Variants in CALCOCO1 observed in about 807,000 individuals in gnomAD.
The protein encoded by CALCOCO1 is calcium binding and coiled-coil domain 1.
CALCOCO1 carries 44 observed loss-of-function variants against 86.3 expected under a neutral mutation model. The observed-to-expected ratio is 0.51, with a 90% CI of 0.40 to 0.66. The LOEUF is 0.66. Ranked by LOEUF, CALCOCO1 falls within the 30% of genes least tolerant of loss-of-function variation. The probability of loss-of-function intolerance (pLI) is 0.00; values close to 1 mark genes in which losing one functional copy is unlikely to be tolerated. For missense variants in CALCOCO1, 708 were observed against 851.1 expected (o/e 0.83, Z 2.09); for synonymous variants, 297 against 327.6 (o/e 0.91, Z 1.01).
intron 7 of CALCOCO1, among the ~76,000 whole-genome samples, chr12:53,717,789 C>T (rs1385578522): frequency 2.6e-5 from 4 of 152,124 alleles, no homozygotes; most frequent in African/African-American, 7.2e-5. Flanking sequence ...TTTGGGAGGC[C>T]GAGGTGGGCG....
At chr12:53,715,151 A>G in intron 10 of CALCOCO1, 49 bp downstream of exon 10, 9 of 1,599,960 alleles carry the variant, frequency 5.6e-6, no homozygotes, top group Non-Finnish European at 7.7e-6. Flanking sequence ...AGGGGTATGG[A>G]TGCCTCAGGA....
rs1195582718 is a variant in CALCOCO1, at chr12:53,714,661, T to G, written c.1419A>C (p.Thr473=). 4 of 1,613,934 alleles carry G rather than the reference T, an allele frequency of 2.5e-6. No homozygotes were observed. The South Asian group carries it at 3.3e-5, about 13-fold the overall frequency. Residue 473 remains threonine, a synonymous_variant, in exon 11 of 15, where the codon ACA becomes ACC. Transcript: ENST00000550804. ...GCACACGCAGGGCTGACCGCAGCTC[T>G]GTCAGCTCCCGCTTACTTTCTGACA... is the stretch of plus-strand genomic sequence containing the variant. ...VQLSESKREL[T]ELRSALRVLQ... is the part of the protein sequence containing the mutation.
At chr12:53,721,109 CA>C (rs1317314083) in intron 6 of CALCOCO1, among the ~76,000 whole-genome samples, 1 of 152,198 alleles carries the variant, frequency 6.6e-6, no homozygotes, top group Non-Finnish European at 1.5e-5. Flanking sequence ...ATAGTAAGAA[CA>C]CAGTCTAATC....
intron 1 of CALCOCO1, among the ~76,000 whole-genome samples, chr12:53,726,964 G>A (rs766138918): frequency 5.3e-5 from 8 of 152,132 alleles, no homozygotes; most frequent in Non-Finnish European, 8.8e-5. Flanking sequence ...CGGAGAGCGG[G>A]TGTCCCATCC....
chr12:53,723,434 T>C (rs1430478819), intron 4 of CALCOCO1, 159 bp downstream of exon 4: 3 of 705,148 alleles, frequency 4.3e-6, no homozygotes, highest in Admixed American at 2.2e-5. Context: ...TGTATGTCTA[T>C]GTTAGACTGA....
intron 6 of CALCOCO1, 35 bp from the exon 7 acceptor site, chr12:53,719,864 C>T: frequency 2.1e-6 from 3 of 1,447,420 alleles, no homozygotes. Flanking sequence ...AGACAATCTG[C>T]TCCACCCAGA....
rs558944697 is a variant in CALCOCO1 at position 53,715,791 on chromosome 12, A to G, written c.1260+2T>C. 1 of 1,611,968 alleles carries G rather than the reference A, an allele frequency of 6.2e-7. No homozygotes were observed. The highest frequency in any genetic ancestry group is 8.5e-7 in the Non-Finnish European group (1 of 1,179,732). On this transcript the variant is annotated splice_donor_variant, in intron 9 of 14. Coordinates refer to ENST00000550804, the MANE Select transcript of CALCOCO1 (RefSeq NM_020898.3). LOFTEE classifies it high-confidence loss of function. ...ATTGCCAGGTACCCCCCATCCCTCT[A>G]CCTCCACACTCTGCAGCAGCCCTGC...
intron 7 of CALCOCO1, among the ~76,000 whole-genome samples, chr12:53,716,839 G>A (rs375921173): frequency 6.6e-6 from 1 of 152,024 alleles, no homozygotes; most frequent in Admixed American, 6.6e-5. Flanking sequence ...GGTGCCCTTG[G>A]TGCCATGCTT....
intron 3 of CALCOCO1, 45 bp from the exon 4 acceptor site, chr12:53,723,828 C>T (rs144870175): frequency 5.7e-6 from 9 of 1,566,788 alleles, no homozygotes; most frequent in South Asian, 1.1e-5. Context: ...ATCCACTGTC[C>T]TTGGCCCCAG....
intron 4 of CALCOCO1, chr12:53,722,942 TCAA>T: frequency 1.1e-5 from 2 of 175,318 alleles, no homozygotes; most frequent in Non-Finnish European, 2.1e-5. Flanking sequence ...CAAGGCTGTC[TCAA>T]AAAAAAAAAA....
Position 53,714,236 on chromosome 12 carries a change from C to T in CALCOCO1, c.1488G>A (p.Leu496=), listed in dbSNP as rs1306582510. 5.0e-6 allele frequency: 8 copies of T among 1,612,106 alleles called. No individual in the cohort carries two copies. Among genetic ancestry groups the T allele is most frequent in the Non-Finnish European group, 6.8e-6 (8 of 1,178,784 alleles). The change falls in exon 12 of 15, where the codon TTG becomes TTA. Residue 496 remains leucine (L), a synonymous_variant. Transcript: ENST00000550804. ...KEQLQEEKQE[L]LEYMRKLEAR... is the part of the protein sequence containing the mutation. ...CCTCTAGCTTTCTCATGTACTCTAG[C>T]AATTCCTGGAATTGGGAAGGAAAAA...
In CALCOCO1 at chr12:53,711,050, A is replaced by AGCT; in HGVS notation, c.*891_*893dup. On this transcript the variant is annotated 3_prime_UTR_variant, in exon 15 of 15. Transcript: ENST00000550804. ...CCTCCTCCCTCCACCAGGGTCTAAG[A>AGCT]GCTGGAGGTCTGGGCCCTGTGTTCC... The AGCT allele has an allele frequency of 2.7e-6, 1 of 375,564 alleles. No homozygotes were observed. 23.3% of individuals were successfully genotyped at this position (375,564 alleles called of 1,614,324 possible). A position where few individuals can be genotyped will look rare whatever the true frequency, so the allele number is the denominator to read the frequency against.
chr12:53,717,472 T>C (rs558475644), intron 7 of CALCOCO1, among the ~76,000 whole-genome samples: 3 of 152,218 alleles, frequency 2.0e-5, no homozygotes, highest in Non-Finnish European at 4.4e-5. Flanking sequence ...CTAGGCCTTA[T>C]CTCAAACACT....
intron 1 of CALCOCO1, among the ~76,000 whole-genome samples, chr12:53,725,965 C>T (rs924095218): frequency 6.6e-6 from 1 of 151,864 alleles, no homozygotes; most frequent in African/African-American, 2.4e-5. Flanking sequence ...GGTTCTGTCC[C>T]TTGACTTATT....
chr12:53,713,170 C>T lies in CALCOCO1; in HGVS notation c.1828G>A (p.Val610Met), dbSNP rs760824997. 2 of 1,614,174 alleles carry T rather than the reference C, an allele frequency of 1.2e-6. No homozygotes were observed. The highest frequency in any genetic ancestry group is 1.7e-6 in the Non-Finnish European group (2 of 1,180,022). ...EDEKSVLMAA[V>M]QSGGEEANLL... ...TTGGCCTCCTCACCCCCACTCTGCA[C>T]AGCTGCCATCAGGACTGACTTCTCA... The change falls in exon 14 of 15, where the codon GTG (valine) becomes ATG (methionine). Residue 610 changes from valine to methionine, a missense_variant. Physicochemically the swap from Val to Met is conservative, Grantham distance 21. Coordinates refer to ENST00000550804, the MANE Select transcript of CALCOCO1 (RefSeq NM_020898.3).
chr12:53,718,200 ATTG>A (rs146595906), intron 7 of CALCOCO1, among the ~76,000 whole-genome samples: 2,294 of 152,232 alleles, frequency 0.015, 65 homozygotes, highest in East Asian at 0.14. Context: ...CAGTTTAAAA[ATTG>A]TTATTTGCAC....
At chr12:53,716,122 C>T (rs1027340322) in intron 8 of CALCOCO1, 75 bp from the exon 9 acceptor site, 2 of 1,583,748 alleles carry the variant, frequency 1.3e-6, no homozygotes, top group African/African-American at 2.7e-5. Flanking sequence ...AACGCTCCCT[C>T]CACTCCACTG....
Position 53,725,253 on chromosome 12 carries a change from A to G in CALCOCO1, c.-11T>C. 1 of 1,577,222 alleles carries G rather than the reference A, an allele frequency of 6.3e-7. No individual in the cohort carries two copies. The highest frequency in any genetic ancestry group is 8.6e-7 in the Non-Finnish European group (1 of 1,162,906). On this transcript the variant is annotated 5_prime_UTR_variant, in exon 2 of 15. Coordinates refer to ENST00000550804, the MANE Select transcript of CALCOCO1 (RefSeq NM_020898.3). ...TGGTGATTCTTCCATCCTGGCCTTGAGATATCTGTCCTCCTATGAAAGAAA... is the reference window on the plus strand; with the variant it reads ...TGGTGATTCTTCCATCCTGGCCTTGGGATATCTGTCCTCCTATGAAAGAAA...
intron 1 of CALCOCO1, 114 bp from the exon 2 acceptor site, chr12:53,725,380 C>G: frequency 1.5e-6 from 1 of 668,264 alleles, no homozygotes. Context: ...TAAGGCATAC[C>G]TGGTTTCTAG....
Sources: allele counts gnomAD v4.1 joint callset (sites outside exome capture counted in the v4.1 genomes callset), GRCh38; gene constraint gnomAD v4.1.1; transcripts MANE v1.5; gene names NCBI Gene and HGNC (gene_info 2026-07-23, HGNC 2026-07-21).